Variants in COL24A1 observed in about 807,000 individuals in gnomAD.
COL24A1 encodes collagen alpha-1(XXIV) chain.
A neutral mutation model predicts 253.9 loss-of-function variants in COL24A1; 224 were observed. That is an observed-to-expected ratio of 0.88 (90% CI 0.79 to 0.99). COL24A1 has a LOEUF of 0.99. Ranked by LOEUF, COL24A1 falls within the 50% of genes least tolerant of loss-of-function variation. The pLI, the probability that COL24A1 is intolerant of heterozygous loss-of-function variation, is 0.00. For synonymous variants in COL24A1, 685 were observed against 673.7 expected, an observed-to-expected ratio of 1.02 and a Z score of -0.26; for missense variants, 2,131 against 2,068.5, an observed-to-expected ratio of 1.03 and a Z score of -0.59.
At chr1:86,115,608 G>T (rs932316950) in intron 3 of COL24A1, among the ~76,000 whole-genome samples, 1 of 152,156 alleles carries the variant, frequency 6.6e-6, no homozygotes, top group South Asian at 2.1e-4. Context: ...TATGACTTAT[G>T]GTTACAGCCA....
chr1:85,963,579 C>T (rs1370324627), intron 23 of COL24A1, among the ~76,000 whole-genome samples: 1 of 152,092 alleles, frequency 6.6e-6, no homozygotes, highest in Non-Finnish European at 1.5e-5. Flanking sequence ...AGAAAGAAAA[C>T]ACAGATCTAG....
At chr1:86,148,345 C>T (rs1407948411) in intron 1 of COL24A1, among the ~76,000 whole-genome samples, 6 of 151,806 alleles carry the variant, frequency 4.0e-5, no homozygotes, top group Admixed American at 1.3e-4. Flanking sequence ...CCACCACACC[C>T]GGCTAATTTT....
At chr1:86,135,239 G>A (rs990926847) in intron 2 of COL24A1, among the ~76,000 whole-genome samples, 7 of 151,940 alleles carry the variant, frequency 4.6e-5, no homozygotes, top group East Asian at 3.9e-4. Flanking sequence ...GAGCCTATGT[G>A]TGTCTCTGCA....
At chr1:86,004,076 T>C (rs572174820) in intron 19 of COL24A1, among the ~76,000 whole-genome samples, 14 of 152,262 alleles carry the variant, frequency 9.2e-5, no homozygotes, top group Non-Finnish European at 1.3e-4. Context: ...ACCAAGGATG[T>C]TCCAGCTTCT....
intron 13 of COL24A1, among the ~76,000 whole-genome samples, chr1:86,032,907 G>T (rs968731138): frequency 5.3e-5 from 8 of 152,000 alleles, no homozygotes; most frequent in African/African-American, 1.9e-4. Flanking sequence ...CTTCACACTA[G>T]GTACACAAGT....
rs1224753980 is a variant in COL24A1, at chr1:85,940,171, G to A, written c.2562+21078C>T. Reference sequence around the variant, plus strand: ...TGTAATCCCAGCACTTTGGGAGGCCGAGGCGGGCGGATCACGAGGTCAGGA... The same window carrying A: ...TGTAATCCCAGCACTTTGGGAGGCCAAGGCGGGCGGATCACGAGGTCAGGA... On this transcript the variant is annotated intron_variant, in intron 24 of 59. Coordinates refer to ENST00000370571, the MANE Select transcript of COL24A1 (RefSeq NM_152890.7). Among the ~76,000 whole-genome samples, 13 of 16,674 alleles carry A rather than the reference G, an allele frequency of 7.8e-4. 4 individuals carry two copies. The highest frequency in any genetic ancestry group is 1.9e-3 in the African/African-American group (13 of 6,884). The allele number at this position is 16,674 out of a possible 152,430, so 10.9% of individuals were successfully genotyped here.
intron 10 of COL24A1, among the ~76,000 whole-genome samples, chr1:86,051,221 G>T (rs546211141): frequency 1.3e-5 from 2 of 152,120 alleles, no homozygotes; most frequent in Admixed American, 1.3e-4. Flanking sequence ...TAAAGATTTG[G>T]GGTTTATAAA....
intron 24 of COL24A1, among the ~76,000 whole-genome samples, chr1:85,945,621 ATGT>A (rs1689256818): frequency 6.8e-6 from 1 of 147,132 alleles, no homozygotes; most frequent in Admixed American, 6.9e-5. Context: ...TGGTCTAATT[ATGT>A]GGCAACTAGA....
At chr1:85,983,282 T>C (rs911313615) in intron 20 of COL24A1, among the ~76,000 whole-genome samples, 6 of 152,010 alleles carry the variant, frequency 3.9e-5, no homozygotes, top group Non-Finnish European at 8.8e-5. Flanking sequence ...GCAAAAGATC[T>C]GGTTTTGCTA....
At chr1:86,051,588 A>G (rs1700307274) in intron 10 of COL24A1, among the ~76,000 whole-genome samples, 1 of 152,070 alleles carries the variant, frequency 6.6e-6, no homozygotes, top group Non-Finnish European at 1.5e-5. Flanking sequence ...AAAGGGTGGC[A>G]AGGGGTCATG....
intron 53 of COL24A1, among the ~76,000 whole-genome samples, chr1:85,771,441 T>C (rs1667947482): frequency 6.6e-6 from 1 of 152,192 alleles, no homozygotes; most frequent in African/African-American, 2.4e-5. Context: ...TCATCCTTTT[T>C]TATGGCTGCA....
chr1:85,842,782 G>A (rs939342469), intron 39 of COL24A1, among the ~76,000 whole-genome samples: 2 of 152,006 alleles, frequency 1.3e-5, no homozygotes, highest in East Asian at 1.9e-4. Context: ...TTGTCACTAC[G>A]GGATCCAGAA....
chr1:85,936,106 A>G (rs1467411266), intron 24 of COL24A1, among the ~76,000 whole-genome samples: 1 of 146,886 alleles, frequency 6.8e-6, no homozygotes, highest in Non-Finnish European at 1.5e-5. Flanking sequence ...ATTCCAGAGA[A>G]GGTCCAACTC....
chr1:86,031,706 A>T (rs892353863), intron 14 of COL24A1, among the ~76,000 whole-genome samples, 172 bp downstream of exon 14: 1 of 151,764 alleles, frequency 6.6e-6, no homozygotes, highest in Non-Finnish European at 1.5e-5. Flanking sequence ...TTTGACTTAT[A>T]CTACTGGTCT....
chr1:85,841,196 C>A, intron 42 of COL24A1, 26 bp downstream of exon 42: 1 of 1,545,520 alleles, frequency 6.5e-7, no homozygotes, highest in Non-Finnish European at 8.8e-7. Context: ...CTTGAATAAC[C>A]AGAATTATTT....
At chr1:85,946,273 C>T (rs934621336) in intron 24 of COL24A1, among the ~76,000 whole-genome samples, 3 of 152,118 alleles carry the variant, frequency 2.0e-5, no homozygotes, top group East Asian at 1.9e-4. Context: ...GTGACTCCAC[C>T]GGGAAAGGAC....
At chr1:85,848,915 A>G (rs1677443661) in intron 38 of COL24A1, among the ~76,000 whole-genome samples, 1 of 152,200 alleles carries the variant, frequency 6.6e-6, no homozygotes, top group African/African-American at 2.4e-5. Context: ...AATATTCTTG[A>G]TTTGTAGTTC....
intron 14 of COL24A1, among the ~76,000 whole-genome samples, chr1:86,030,760 T>G (rs915025081): frequency 8.6e-5 from 13 of 151,812 alleles, no homozygotes; most frequent in African/African-American, 2.2e-4. Flanking sequence ...CTTTTTTTTT[T>G]TTTTTGTTGT....
chr1:86,012,088 G>C (rs924665081), intron 19 of COL24A1, among the ~76,000 whole-genome samples: 2 of 151,042 alleles, frequency 1.3e-5, no homozygotes, highest in Admixed American at 1.3e-4. Flanking sequence ...CAAAGTGCTG[G>C]GATTACAAGC....
Sources: allele counts gnomAD v4.1 joint callset (sites outside exome capture counted in the v4.1 genomes callset), GRCh38; gene constraint gnomAD v4.1.1; transcripts MANE v1.5; gene names NCBI Gene and HGNC (gene_info 2026-07-23, HGNC 2026-07-21).